The following ZNF682 variants were observed in gnomAD, a reference collection of about 807,000 sequenced individuals.
ZNF682 encodes zinc finger protein 682.
A neutral mutation model predicts 36.5 loss-of-function variants in ZNF682; 29 were observed. The observed-to-expected ratio is 0.80, with a 90% CI of 0.59 to 1.08. ZNF682 has a LOEUF of 1.08. ZNF682 is among the 50% of genes least tolerant of loss of function. ZNF682 has a pLI of 0.00. For synonymous variants in ZNF682, 180 were observed against 197.0 expected, an observed-to-expected ratio of 0.91 and a Z score of 0.72; for missense variants, 561 against 579.7, an observed-to-expected ratio of 0.97 and a Z score of 0.33.
chr19:20,038,193 C>A (rs1051035431), intron 1 of ZNF682, among the ~76,000 whole-genome samples: 1 of 151,776 alleles, frequency 6.6e-6, no homozygotes, highest in Admixed American at 6.6e-5. Flanking sequence ...GAGATTGGCA[C>A]AAAGGTTTTT....
chr19:20,024,475 G>T, intron 1 of ZNF682, 99 bp from the exon 2 acceptor site: 2 of 1,335,808 alleles, frequency 1.5e-6, no homozygotes, highest in Non-Finnish European at 2.0e-6. Flanking sequence ...AGAGTTACTG[G>T]AATTATTCAA....
chr19:19,995,900 T>C (rs1018646347), downstream of ZNF682, among the ~76,000 whole-genome samples: 7 of 151,912 alleles, frequency 4.6e-5, no homozygotes, highest in South Asian at 8.3e-4. Context: ...TTGGGAGAAA[T>C]AGAAAAGTGT....
chr19:19,995,622 T>C (rs2088125124), downstream of ZNF682, among the ~76,000 whole-genome samples: 1 of 152,046 alleles, frequency 6.6e-6, no homozygotes. Flanking sequence ...TGACCATTGT[T>C]TGTGTCCAGA....
chr19:20,030,689 G>A (rs12986347), intron 1 of ZNF682: 67,254 of 152,024 alleles, frequency 0.44, 17,806 homozygotes, highest in Non-Finnish European at 0.59. Context: ...CCCTGCACAC[G>A]TCCCTTTTTT....
intron 3 of ZNF682, among the ~76,000 whole-genome samples, chr19:20,018,770 C>G (rs2088359996): frequency 6.6e-6 from 1 of 152,054 alleles, no homozygotes; most frequent in African/African-American, 2.4e-5. Context: ...TAACAAACTT[C>G]CTAGATAAGT....
At chr19:20,011,938 G>A (rs1183437604) in intron 3 of ZNF682, among the ~76,000 whole-genome samples, 9 of 152,082 alleles carry the variant, frequency 5.9e-5, no homozygotes, top group Non-Finnish European at 1.3e-4. Flanking sequence ...CTGGGAGAGT[G>A]AGGCAGGAGA....
At chr19:20,024,562 G>C in intron 1 of ZNF682, 186 bp from the exon 2 acceptor site, 1 of 701,186 alleles carries the variant, frequency 1.4e-6, no homozygotes. Flanking sequence ...ATGTGGCCAG[G>C]TTCGGTGGCT....
intron 3 of ZNF682, among the ~76,000 whole-genome samples, chr19:20,014,400 C>A (rs1275406663): frequency 6.6e-6 from 1 of 152,010 alleles, no homozygotes. Context: ...TGAAAGAAAC[C>A]CAAACTTCTC....
At chr19:20,027,042 G>C (rs2088437989) in intron 1 of ZNF682, among the ~76,000 whole-genome samples, 1 of 152,184 alleles carries the variant, frequency 6.6e-6, no homozygotes, top group Non-Finnish European at 1.5e-5. Flanking sequence ...AGAACGAAAA[G>C]AGAACATCAC....
intron 1 of ZNF682, among the ~76,000 whole-genome samples, chr19:20,034,668 G>A (rs573422632): frequency 1.9e-4 from 29 of 151,766 alleles, no homozygotes; most frequent in African/African-American, 6.8e-4. Context: ...AGCTACTCAG[G>A]AAGCTGAGGC....
rs750046588 is a variant in ZNF682 at position 20,007,168 on chromosome 19, G to A, written c.334C>T (p.His112Tyr). The A allele has an allele frequency of 2.5e-6, 4 of 1,613,546 alleles. No homozygotes were observed. The highest frequency in any genetic ancestry group is 3.4e-6 in the Non-Finnish European group (4 of 1,180,010). The change falls in exon 4 of 4, where the codon CAC becomes TAC. Residue 112 changes from histidine (H) to tyrosine (Y), a missense_variant. Transcript: ENST00000397165. ...ACATTTTCCCCATCCTTCCTTAAGT[G>A]TAAATCCTCAAGTCCACAGCTTCCA... is the stretch of plus-strand genomic sequence containing the variant. ...RYGSCGLEDL[H>Y]LRKDGENVGE...
intron 1 of ZNF682, among the ~76,000 whole-genome samples, chr19:20,031,564 CCTGG>C (rs2088479833): frequency 6.6e-6 from 1 of 152,204 alleles, no homozygotes; most frequent in Non-Finnish European, 1.5e-5. Context: ...GTGACATCAA[CCTGG>C]CTGTGCATTA....
downstream of ZNF682, among the ~76,000 whole-genome samples, chr19:19,995,760 A>G (rs1038114967): frequency 1.6e-5 from 2 of 127,550 alleles, no homozygotes; most frequent in South Asian, 2.5e-4. Flanking sequence ...CATGAAGAGG[A>G]AAAAAAAAAA....
At position 20,006,448 on chromosome 19, in the gene ZNF682, A is replaced by G. The variant is rs1163346915; in HGVS notation, c.1054T>C (p.Ser352Pro). 3 of 1,613,364 alleles carry G rather than the reference A, an allele frequency of 1.9e-6. No homozygotes were observed. The highest frequency in any genetic ancestry group is 2.5e-6 in the Non-Finnish European group (3 of 1,179,838). ...KCEECGKAFN[S>P]SSILTEHKVI... ...TTATGTTCAGTAAGAATTGATGATG[A>G]GTTAAAAGCTTTGCCACATTCTTCA... Residue 352 changes from serine to proline, a missense_variant, in exon 4 of 4, where the codon TCA (serine) becomes CCA (proline). Physicochemically the swap from Ser to Pro is moderately conservative, Grantham distance 74. Coordinates refer to ENST00000397165, the MANE Select transcript of ZNF682 (RefSeq NM_033196.3).
At chr19:20,015,289 T>C (rs2088325545) in intron 3 of ZNF682, 2 of 985,140 alleles carry the variant, frequency 2.0e-6, no homozygotes, top group African/African-American at 3.5e-5. Flanking sequence ...AAACCATCAC[T>C]GATGACCAAC....
chr19:20,030,774 T>C (rs1274364866), intron 1 of ZNF682: 1 of 152,238 alleles, frequency 6.6e-6, no homozygotes, highest in Non-Finnish European at 1.5e-5. Context: ...GCAGAGATTA[T>C]GATTGCCTCA....
intron 3 of ZNF682, among the ~76,000 whole-genome samples, chr19:19,997,867 G>A (rs932220528): frequency 1.3e-5 from 2 of 152,220 alleles, no homozygotes; most frequent in African/African-American, 4.8e-5. Flanking sequence ...TGGCCTCTAG[G>A]TGGTGAGAGC....
chr19:20,030,657 A>G (rs181418148), intron 1 of ZNF682: 1 of 152,238 alleles, frequency 6.6e-6, no homozygotes, highest in Non-Finnish European at 1.5e-5. Context: ...AGTTCCCAAC[A>G]TAAGGAAAGT....
In ZNF682 at chr19:20,006,671, TTTC is replaced by T; in HGVS notation, c.828_830del (p.Lys277del). ...TATAGGGTTTTTCTCCTGTATGAAT[TTTC>T]TTATGTCTAACAAAGGGTGAACACC... On this transcript the variant is annotated inframe_deletion, in exon 4 of 4. Coordinates refer to ENST00000397165, the MANE Select transcript of ZNF682 (RefSeq NM_033196.3). 6.2e-7 allele frequency: 1 copy of T among 1,614,054 alleles called. No individual in the cohort carries two copies. The highest frequency in any genetic ancestry group is 8.5e-7 in the Non-Finnish European group (1 of 1,180,000).
Sources: allele counts gnomAD v4.1 joint callset (sites outside exome capture counted in the v4.1 genomes callset), GRCh38; gene constraint gnomAD v4.1.1; transcripts MANE v1.5; gene names NCBI Gene and HGNC (gene_info 2026-07-23, HGNC 2026-07-21).